The following PRKN variants were observed in gnomAD, a reference collection of about 807,000 sequenced individuals.
PRKN encodes the protein parkin RBR E3 ubiquitin protein ligase.
In PRKN, 56 loss-of-function variants were observed where a neutral mutation model predicts 59.5. That is an observed-to-expected ratio of 0.94 (90% CI 0.76 to 1.18). The LOEUF is 1.18. PRKN is among the 50% of genes most tolerant of loss of function. The pLI, the probability that PRKN is intolerant of heterozygous loss-of-function variation, is 0.00. For synonymous variants in PRKN, 250 were observed against 222.1 expected (o/e 1.13, Z -1.12); for missense variants, 657 against 596.4 (o/e 1.10, Z -1.06).
chr6:162,550,550 G>A (rs552611389), intron 1 of PRKN, among the ~76,000 whole-genome samples: 2 of 152,236 alleles, frequency 1.3e-5, no homozygotes, highest in East Asian at 3.9e-4. Context: ...CTCTCCTAGG[G>A]GTATGTAAGT....
rs1192719093 is a variant in PRKN, at chr6:161,361,553, A to G, written c.1168-1348T>C. Among the ~76,000 whole-genome samples the G allele has an allele frequency of 6.6e-6, 1 of 152,202 alleles. No individual in the cohort carries two copies. The highest frequency in any genetic ancestry group is 1.5e-5 in the Non-Finnish European group (1 of 68,038). ...CCACTAAACTTTCAGGGGTTACCAA[A>G]CATCCAAAATAGGACCCCGTGAAAT... On this transcript the variant is annotated intron_variant, in intron 10 of 11. Transcript: ENST00000366898. This position sits in a 1 kb window ranked among gnomAD's most constrained non-coding sequence, Gnocchi z 5.2.
At chr6:162,591,488 A>G (rs1431801137) in intron 1 of PRKN, among the ~76,000 whole-genome samples, 1 of 152,218 alleles carries the variant, frequency 6.6e-6, no homozygotes, top group Non-Finnish European at 1.5e-5. Flanking sequence ...CACATCAAGT[A>G]TTCTTAAACG....
intron 4 of PRKN, among the ~76,000 whole-genome samples, chr6:162,174,375 G>A (rs80168610): frequency 3.3e-5 from 5 of 152,016 alleles, no homozygotes; most frequent in African/African-American, 4.8e-5. Flanking sequence ...AGTCCTTGCC[G>A]TCCCCTCAAC....
At chr6:162,078,409 C>T (rs1778922037) in intron 4 of PRKN, among the ~76,000 whole-genome samples, 1 of 151,986 alleles carries the variant, frequency 6.6e-6, no homozygotes, top group Non-Finnish European at 1.5e-5. Flanking sequence ...TGATATTATT[C>T]AGGAATCAAA....
chr6:162,045,815 C>T (rs553769895), intron 5 of PRKN, among the ~76,000 whole-genome samples: 8 of 152,262 alleles, frequency 5.3e-5, no homozygotes, highest in East Asian at 3.9e-4. Context: ...ATTACTCTCA[C>T]GTCTTCCTTC....
chr6:162,034,857 G>C (rs1783779806), intron 5 of PRKN, among the ~76,000 whole-genome samples: 1 of 152,186 alleles, frequency 6.6e-6, no homozygotes, highest in African/African-American at 2.4e-5. Context: ...GCTTCAAATT[G>C]CTGGTCCATG....
chr6:161,954,383 G>A (rs1281550734), intron 6 of PRKN, among the ~76,000 whole-genome samples: 1 of 152,174 alleles, frequency 6.6e-6, no homozygotes. Context: ...GCCACAGTGA[G>A]ACAGAATTCG....
chr6:162,240,589 G>A (rs1778944453), intron 3 of PRKN, among the ~76,000 whole-genome samples: 1 of 152,162 alleles, frequency 6.6e-6, no homozygotes, highest in Admixed American at 6.5e-5. Context: ...ATTGTAGGAA[G>A]TAACAATAAC....
At chr6:161,641,095 C>G (rs1451542127) in intron 7 of PRKN, among the ~76,000 whole-genome samples, 1 of 152,226 alleles carries the variant, frequency 6.6e-6, no homozygotes, top group Non-Finnish European at 1.5e-5. Context: ...ATAGGACAAA[C>G]TGACTTTGGG....
At chr6:162,278,549 A>T (rs1280206331) in intron 2 of PRKN, among the ~76,000 whole-genome samples, 1 of 152,110 alleles carries the variant, frequency 6.6e-6, no homozygotes, top group African/African-American at 2.4e-5. Context: ...CAGGGAGTAG[A>T]TGGGAAATAC....
intron 7 of PRKN, among the ~76,000 whole-genome samples, chr6:161,658,132 C>A (rs1278877911): frequency 1.3e-5 from 2 of 151,848 alleles, no homozygotes; most frequent in Non-Finnish European, 2.9e-5. Context: ...TTCTTATTTC[C>A]ATTTACCTTG....
rs1463860790 is a variant in PRKN at position 161,376,235 on chromosome 6, C to T, written c.1167+10559G>A. Among the ~76,000 whole-genome samples the T allele has an allele frequency of 1.3e-5, 2 of 152,110 alleles. No homozygotes were observed. The highest frequency in any genetic ancestry group is 2.9e-5 in the Non-Finnish European group (2 of 68,024). On this transcript the variant is annotated intron_variant, in intron 10 of 11. Transcript: ENST00000366898. The surrounding 1 kb of genome is among the most constrained non-coding windows in gnomAD (Gnocchi z 7.3). ...GGGTGTGGGGAGCATGGATAAGGGG[C>T]AGTTCGTTGGAGATTGTCAGTCTTG...
At chr6:162,029,129 C>G (rs1353271894) in intron 5 of PRKN, among the ~76,000 whole-genome samples, 2 of 152,238 alleles carry the variant, frequency 1.3e-5, no homozygotes, top group East Asian at 1.9e-4. Context: ...TAGTAGCTCC[C>G]AGTTCTCCCT....
At chr6:162,563,001 T>G (rs527422645) in intron 1 of PRKN, among the ~76,000 whole-genome samples, 1 of 152,244 alleles carries the variant, frequency 6.6e-6, no homozygotes, top group South Asian at 2.1e-4. Context: ...AGAAACTCTT[T>G]GTTTAAGAGA....
intron 3 of PRKN, among the ~76,000 whole-genome samples, chr6:162,223,220 G>A (rs1778013308): frequency 6.6e-6 from 1 of 151,876 alleles, no homozygotes; most frequent in African/African-American, 2.4e-5. Flanking sequence ...AGTATTCCAT[G>A]GTGTATATGT....
chr6:161,853,854 A>G (rs1023548955), intron 6 of PRKN, among the ~76,000 whole-genome samples: 1 of 152,146 alleles, frequency 6.6e-6, no homozygotes, highest in African/African-American at 2.4e-5. Flanking sequence ...TTACTAACCC[A>G]TCATGCCCAT....
intron 9 of PRKN, among the ~76,000 whole-genome samples, chr6:161,479,505 G>A (rs73782907): frequency 0.072 from 10,909 of 152,164 alleles, 489 homozygotes; most frequent in African/African-American, 0.12. Flanking sequence ...TCCATCTTGA[G>A]GAAGTGTAAT....
chr6:161,500,864 G>GTTTT (rs373088841), intron 9 of PRKN, among the ~76,000 whole-genome samples: 3 of 132,532 alleles, frequency 2.3e-5, no homozygotes, highest in African/African-American at 8.7e-5. Context: ...GTTTAGTTTA[G>GTTTT]TTTTTTTTTT....
At chr6:162,540,397 C>T (rs1778881648) in intron 1 of PRKN, among the ~76,000 whole-genome samples, 2 of 151,996 alleles carry the variant, frequency 1.3e-5, no homozygotes, top group South Asian at 4.1e-4. Context: ...ATTCAAAGAT[C>T]CCATTAATGT....
Sources: allele counts gnomAD v4.1 joint callset (sites outside exome capture counted in the v4.1 genomes callset), GRCh38; gene constraint gnomAD v4.1.1; non-coding constraint Gnocchi (gnomAD v3.1); transcripts MANE v1.5; gene names NCBI Gene and HGNC (gene_info 2026-07-23, HGNC 2026-07-21).